PPFIA4: variants seen among roughly 807,000 people sequenced by gnomAD.
The protein encoded by PPFIA4 is liprin-alpha-4.
In PPFIA4, 98 loss-of-function variants were observed where a neutral mutation model predicts 145.7. The observed-to-expected ratio is 0.67, with a 90% CI of 0.57 to 0.80. PPFIA4 has a LOEUF of 0.80. Ranked by LOEUF, PPFIA4 falls within the 30% of genes least tolerant of loss-of-function variation. PPFIA4 has a pLI of 0.00. For missense variants in PPFIA4, 1,457 were observed against 1,632.7 expected, an observed-to-expected ratio of 0.89 and a Z score of 1.85; for synonymous variants, 628 against 649.6, an observed-to-expected ratio of 0.97 and a Z score of 0.51.
chr1:203,036,596 T>C (rs1483868972), intron 1 of PPFIA4, among the ~76,000 whole-genome samples: 2 of 151,100 alleles, frequency 1.3e-5, no homozygotes, highest in Non-Finnish European at 2.9e-5. Flanking sequence ...TGGATGAGCT[T>C]GGGGGGGTAG....
Position 203,043,277 on chromosome 1 carries a change from T to G in PPFIA4, c.235-120T>G. 1 of 821,264 alleles carries G rather than the reference T, an allele frequency of 1.2e-6. No homozygotes were observed. The highest frequency in any genetic ancestry group is 2.0e-6 in the Non-Finnish European group (1 of 502,014). 50.9% of individuals were successfully genotyped at this position (821,264 alleles called of 1,614,324 possible). The stretch of plus-strand genomic sequence containing the variant: ...ACCTGCAGTGTGGATGGATTGGGAT[T>G]TTGTGGGGGAGGTGGTGGAAGTAAG... On this transcript the variant is annotated intron_variant, in intron 2 of 29. Coordinates refer to ENST00000295706, the MANE Select transcript of PPFIA4 (RefSeq NM_001304331.2). This position sits in a 1 kb window ranked among gnomAD's most constrained non-coding sequence, Gnocchi z 4.4.
intron 26 of PPFIA4, 85 bp downstream of exon 26, chr1:203,067,877 G>C: frequency 8.8e-7 from 1 of 1,135,902 alleles, no homozygotes; most frequent in Non-Finnish European, 1.3e-6. Context: ...GAGGCATTCT[G>C]TGTCTCAGGG....
Position 203,059,226 on chromosome 1 carries a change from C to G in PPFIA4, c.2456C>G (p.Ala819Gly). ...EFSMQEPMVP[A>G]KLGTQAEKDR... ...AGTATGCAGGAGCCTATGGTGCCTG[C>G]CAAGCTGGGGACCCAGGCAGAGAAG... The change falls in exon 20 of 30, where the codon GCC becomes GGC. Residue 819 changes from alanine to glycine, a missense_variant. Transcript: ENST00000295706. 1 of 1,557,850 alleles carries G rather than the reference C, an allele frequency of 6.4e-7. No individual in the cohort carries two copies. The highest frequency in any genetic ancestry group is 8.7e-7 in the Non-Finnish European group (1 of 1,144,000).
At chr1:203,056,602 A>G in intron 18 of PPFIA4, 94 bp downstream of exon 18, 1 of 1,481,806 alleles carries the variant, frequency 6.7e-7, no homozygotes, top group South Asian at 1.3e-5. Flanking sequence ...CCCCTGTCCC[A>G]GTTTCTGAAT....
At chr1:203,067,506 G>A in intron 25 of PPFIA4, 189 bp from the exon 26 acceptor site, 1 of 590,646 alleles carries the variant, frequency 1.7e-6, no homozygotes, top group Non-Finnish European at 3.0e-6. Context: ...GGGTTAGACA[G>A]AGAAAGGGAG....
chr1:203,038,124 G>A (rs1659433812), intron 1 of PPFIA4, among the ~76,000 whole-genome samples: 1 of 152,174 alleles, frequency 6.6e-6, no homozygotes, highest in South Asian at 2.1e-4. Context: ...AGGACCCCAA[G>A]AGTCCAGCCT....
intron 24 of PPFIA4, 68 bp from the exon 25 acceptor site, chr1:203,063,760 A>G: frequency 1.9e-6 from 3 of 1,549,494 alleles, no homozygotes; most frequent in Non-Finnish European, 2.7e-6. Flanking sequence ...CCGACCAGCT[A>G]TACCAGCCTC....
At chr1:203,053,724 C>G in intron 14 of PPFIA4, 29 bp from the exon 15 acceptor site, 1 of 1,540,890 alleles carries the variant, frequency 6.5e-7, no homozygotes, top group South Asian at 1.2e-5. Context: ...TGTCTTATTA[C>G]GACTCCTTTA....
rs1414958331 is a variant in PPFIA4 at position 203,059,753 on chromosome 1, G to T, written c.2502-17G>T. The T allele has an allele frequency of 6.2e-7, 1 of 1,606,454 alleles. No individual in the cohort carries two copies. The highest frequency in any genetic ancestry group is 1.1e-5 in the South Asian group (1 of 90,370). On this transcript the variant is annotated splice_polypyrimidine_tract_variant and intron_variant, in intron 20 of 29. Coordinates refer to ENST00000295706, the MANE Select transcript of PPFIA4 (RefSeq NM_001304331.2). ...AGAAGGAAGAACTAGTGAGTCTGTT[G>T]TTCCTCTTCCTATAAGACACCAGCT... is the stretch of plus-strand genomic sequence containing the variant.
chr1:203,056,470 G>A lies in PPFIA4; in HGVS notation c.2202G>A (p.Lys734=). 3 of 1,613,984 alleles carry A rather than the reference G, an allele frequency of 1.9e-6. No individual in the cohort carries two copies. The highest frequency in any genetic ancestry group is 1.7e-6 in the Non-Finnish European group (2 of 1,179,872). Residue 734 remains lysine, a synonymous_variant, in exon 18 of 30, where the codon AAG becomes AAA. Transcript: ENST00000295706. The part of the protein sequence containing the change: ...PSSPRTLRLE[K]LGHPALSQEE... ...CACCCAGGACGCTGCGGCTAGAGAAGCTTGGCCACCCAGCCCTGAGCCAGG... is the reference window on the plus strand; with the variant it reads ...CACCCAGGACGCTGCGGCTAGAGAAACTTGGCCACCCAGCCCTGAGCCAGG...
chr1:203,056,139 A>G lies in PPFIA4; in HGVS notation c.2090A>G (p.His697Arg), dbSNP rs1242114996. 3.1e-6 allele frequency: 5 copies of G among 1,613,874 alleles called. No homozygotes were observed. The change falls in exon 17 of 30, where the codon CAT (histidine) becomes CGT (arginine). Residue 697 changes from histidine (H) to arginine (R), a missense_variant. Around this residue, in one of 3 missense-constraint regions of PPFIA4, gnomAD observed 848 missense variants for 1,046.7 expected, o/e 0.81. Coordinates refer to ENST00000295706, the MANE Select transcript of PPFIA4 (RefSeq NM_001304331.2). ...TTGCAGCCCAGTGACTTAAGAAAGCATAGGAGGAAGCTGCTGGTGAGTGCT... is the reference window on the plus strand; with the variant it reads ...TTGCAGCCCAGTGACTTAAGAAAGCGTAGGAGGAAGCTGCTGGTGAGTGCT... ...VMTLPSDLRK[H>R]RRKLLSPVSR...
At chr1:203,046,185 TGGGGTG>T in intron 8 of PPFIA4, 57 bp from the exon 9 acceptor site, 1 of 1,084,996 alleles carries the variant, frequency 9.2e-7, no homozygotes, top group Non-Finnish European at 1.2e-6. Flanking sequence ...CTGCTGAGGC[TGGGGTG>T]GGGGTGGGGG....
In PPFIA4 at chr1:203,053,915, G is replaced by A. The variant is rs1382567501; in HGVS notation, c.1783G>A (p.Ala595Thr). The A allele has an allele frequency of 6.4e-7, 1 of 1,567,762 alleles. No homozygotes were observed. The highest frequency in any genetic ancestry group is 8.7e-7 in the Non-Finnish European group (1 of 1,155,844). Residue 595 changes from alanine to threonine, a missense_variant, in exon 15 of 30, where the codon GCC becomes ACC. Around this residue, in one of 3 missense-constraint regions of PPFIA4, gnomAD observed 848 missense variants for 1,046.7 expected, o/e 0.81. Transcript: ENST00000295706. ...CGGCCACTCAGATGCCCAGACCCTG[G>A]CCATGATGCTGCAGGAGCAGCTGGA... Reference protein sequence around the residue: ...PSGHSDAQTLAMMLQEQLDAI... With the variant: ...PSGHSDAQTLTMMLQEQLDAI...
Position 203,048,241 on chromosome 1 carries a change from T to C in PPFIA4, c.1155T>C (p.His385=). The C allele has an allele frequency of 1.2e-6, 2 of 1,612,746 alleles. No homozygotes were observed. Among genetic ancestry groups the C allele is most frequent in the Non-Finnish European group, 1.7e-6 (2 of 1,179,834 alleles). ...CCTGCCCCTAGGCTGAAGAACGGCA[T>C]GGCAACATTGAGGAGCACCTGCGGC... The part of the protein sequence containing the change: ...IAALTKAEER[H]GNIEEHLRQL... The change falls in exon 10 of 30, where the codon CAT becomes CAC. Residue 385 remains histidine (H), a synonymous_variant. Coordinates refer to ENST00000295706, the MANE Select transcript of PPFIA4 (RefSeq NM_001304331.2). This position sits in a 1 kb window ranked among gnomAD's most constrained non-coding sequence, Gnocchi z 5.8.
intron 9 of PPFIA4, 28 bp downstream of exon 9, chr1:203,046,410 C>A (rs769853927): frequency 2.7e-5 from 42 of 1,566,600 alleles, no homozygotes; most frequent in Non-Finnish European, 3.5e-5. Context: ...CTGGGATCTG[C>A]CTCTGTCCCC....
At chr1:203,059,329 T>C (rs1661203603) in intron 20 of PPFIA4, 58 bp downstream of exon 20, 1 of 1,368,862 alleles carries the variant, frequency 7.3e-7, no homozygotes, top group Non-Finnish European at 1.0e-6. Flanking sequence ...CCCACTTCCC[T>C]TCCCCTGGGC....
At chr1:203,051,966 G>GAAGGATTTGCCC in intron 14 of PPFIA4, 89 bp downstream of exon 14, 1 of 1,407,858 alleles carries the variant, frequency 7.1e-7, no homozygotes, top group Non-Finnish European at 9.7e-7. Context: ...GGTGTGTGGG[G>GAAGGATTTGCCC]CAAATCCTTC....
At chr1:203,046,223 CA>C in intron 8 of PPFIA4, 24 bp from the exon 9 acceptor site, 1 of 1,572,716 alleles carries the variant, frequency 6.4e-7, no homozygotes, top group Non-Finnish European at 8.6e-7. Flanking sequence ...CCTTTTGAAT[CA>C]CTTCACCACC....
chr1:203,066,612 G>A (rs1442383867), intron 25 of PPFIA4, among the ~76,000 whole-genome samples: 1 of 152,174 alleles, frequency 6.6e-6, no homozygotes, highest in East Asian at 1.9e-4. Context: ...CTACTCTGAA[G>A]GAAGCTGTAG....
Sources: gnomAD v4.1 joint callset for allele counts (sites outside exome capture counted in the v4.1 genomes callset) on GRCh38, gnomAD v4.1.1 for gene constraint, gnomAD v4.1.1 regional missense constraint, Gnocchi (gnomAD v3.1) non-coding constraint, MANE v1.5 for transcripts, NCBI Gene and HGNC (gene_info 2026-07-23, HGNC 2026-07-21) for gene names.